LIN54: variants seen among roughly 807,000 people sequenced by gnomAD.
LIN54 encodes the protein lin-54 DREAM MuvB core complex component.
A neutral mutation model predicts 78.7 loss-of-function variants in LIN54; 9 were observed. The observed-to-expected ratio is 0.11, with a 90% CI of 0.07 to 0.20. LIN54 has a LOEUF of 0.20. LIN54 is among the 10% of genes least tolerant of loss of function. The pLI is 1.00. For missense variants in LIN54, 573 were observed against 889.9 expected, an observed-to-expected ratio of 0.64 and a Z score of 4.53; for synonymous variants, 269 against 318.4, an observed-to-expected ratio of 0.84 and a Z score of 1.65.
At chr4:82,983,577 T>C (rs1166371279) in intron 2 of LIN54, among the ~76,000 whole-genome samples, 3 of 152,190 alleles carry the variant, frequency 2.0e-5, no homozygotes, top group African/African-American at 4.8e-5. Context: ...TAGGATAAGA[T>C]AGAGGCAACT....
Position 82,935,020 on chromosome 4 carries a change from T to C in LIN54, c.1845+961A>G, listed in dbSNP as rs147808428. On this transcript the variant is annotated intron_variant, in intron 11 of 12. Transcript: ENST00000340417. ...AAGACGCCTGACCCATAAGTAAAAA[T>C]AACCAGCTCAGTGGAACAACAAAAC... 3.7e-4 allele frequency among the ~76,000 whole-genome samples: 56 copies of C among 152,108 alleles called. 1 individual carries two copies. Among genetic ancestry groups the C allele is most frequent in the African/African-American group, 1.3e-3 (55 of 41,506 alleles).
chr4:82,953,023 G>C (rs934478486), intron 4 of LIN54, among the ~76,000 whole-genome samples: 1 of 152,332 alleles, frequency 6.6e-6, no homozygotes, highest in East Asian at 1.9e-4. Flanking sequence ...GGCCCAGCCT[G>C]GACAGCAGTG....
chr4:82,943,311 A>G (rs918260968), intron 5 of LIN54, among the ~76,000 whole-genome samples: 1 of 152,090 alleles, frequency 6.6e-6, no homozygotes, highest in Non-Finnish European at 1.5e-5. Flanking sequence ...AAGGCTAACC[A>G]AGCACTTTCC....
chr4:83,001,535 G>C (rs923223341), intron 1 of LIN54, among the ~76,000 whole-genome samples: 2 of 151,664 alleles, frequency 1.3e-5, no homozygotes, highest in African/African-American at 2.4e-5. Flanking sequence ...GAGCAGGAGT[G>C]AAATCCTGTC....
At position 82,938,486 on chromosome 4, in the gene LIN54, C is replaced by T. The variant is rs1305496598; in HGVS notation, c.1459G>A (p.Val487Ile). 10 of 1,604,052 alleles carry T rather than the reference C, an allele frequency of 6.2e-6. No homozygotes were observed. Among genetic ancestry groups the T allele is most frequent in the Non-Finnish European group, 8.5e-6 (10 of 1,171,106 alleles). The stretch of plus-strand genomic sequence containing the variant: ...AAGGTAGAGTTGCTTGCTATTGATA[C>T]ATATGAAGACTGCTGTAGCTACATG... ...YVTQLQQSSY[V>I]SIASNSTFTG... Residue 487 changes from valine to isoleucine, a missense_variant, in exon 8 of 13, where the codon GTA becomes ATA. Physicochemically the swap from Val to Ile is conservative, Grantham distance 29. Coordinates refer to ENST00000340417, the MANE Select transcript of LIN54 (RefSeq NM_194282.4).
At chr4:82,973,053 C>T (rs1322373818) in intron 3 of LIN54, among the ~76,000 whole-genome samples, 5 of 148,608 alleles carry the variant, frequency 3.4e-5, no homozygotes, top group African/African-American at 1.2e-4. Flanking sequence ...AAAACAGGAA[C>T]AAAAGTTTCA....
chr4:82,953,115 T>G (rs1423021518), intron 4 of LIN54, among the ~76,000 whole-genome samples: 3 of 152,178 alleles, frequency 2.0e-5, no homozygotes, highest in Non-Finnish European at 4.4e-5. Context: ...CTCAGCCTCC[T>G]GTAGGTGGGC....
rs1411631495 is a variant in LIN54 at position 82,928,198 on chromosome 4, C to T, written c.2154G>A (p.Ala718=). 20 of 1,614,130 alleles carry T rather than the reference C, an allele frequency of 1.2e-5. No homozygotes were observed. The highest frequency in any genetic ancestry group is 4.0e-5 in the African/African-American group (3 of 74,952). The part of the protein sequence containing the change: ...ADKKGKSKAA[A]ERMILEEFGR... The stretch of plus-strand genomic sequence containing the variant: ...CGAATTCCTCAAGTATCATCCGTTC[C>T]GCTGCTGCCTTTGATTTTCCCTTCT... Residue 718 remains alanine (A), a synonymous_variant, in exon 13 of 13, where the codon GCG becomes GCA. Coordinates refer to ENST00000340417, the MANE Select transcript of LIN54 (RefSeq NM_194282.4).
chr4:82,987,344 C>A (rs6845357), intron 1 of LIN54, among the ~76,000 whole-genome samples: 54,065 of 152,212 alleles, frequency 0.36, 11,449 homozygotes, highest in African/African-American at 0.59. Flanking sequence ...CAAAATTATA[C>A]TCCCTTAAAT....
chr4:82,968,104 A>G lies in LIN54; in HGVS notation c.951+2223T>C, dbSNP rs113278864. 5.3e-3 allele frequency among the ~76,000 whole-genome samples: 808 copies of G among 151,372 alleles called. 7 individuals carry two copies. Among genetic ancestry groups the G allele is most frequent in the African/African-American group, 0.019 (764 of 41,202 alleles). ...GTTGCCCAGGCTGGAATGCAATGGC[A>G]GGATCTCAGCTCACCGCGACCTCTA... On this transcript the variant is annotated intron_variant, in intron 4 of 12. Transcript: ENST00000340417.
At chr4:83,005,284 T>C (rs1729248043) in intron 1 of LIN54, among the ~76,000 whole-genome samples, 2 of 146,462 alleles carry the variant, frequency 1.4e-5, no homozygotes, top group African/African-American at 5.2e-5. Flanking sequence ...AGGACAATAC[T>C]GGAGATTCAC....
At chr4:82,936,201 CT>C in intron 10 of LIN54, 77 bp downstream of exon 10, 1 of 1,557,908 alleles carries the variant, frequency 6.4e-7, no homozygotes, top group Non-Finnish European at 8.8e-7. Flanking sequence ...GATAACGTTT[CT>C]TTGCAAGACA....
chr4:82,937,977 T>G (rs935484219), intron 8 of LIN54, among the ~76,000 whole-genome samples: 1 of 151,852 alleles, frequency 6.6e-6, no homozygotes, highest in Non-Finnish European at 1.5e-5. Flanking sequence ...CAAAAAAATT[T>G]AAAAATTAGG....
rs556325836 is a variant in LIN54 at position 82,998,492 on chromosome 4, G to A, written c.-33+11992C>T. Among the ~76,000 whole-genome samples, 24 of 1,346 alleles carry A rather than the reference G, an allele frequency of 0.018. 1 individual carries two copies. The East Asian group carries it at 0.48, about 27-fold the overall frequency. 0.9% of individuals were successfully genotyped at this position (1,346 alleles called of 152,430 possible). A position where few individuals can be genotyped will look rare whatever the true frequency, so the allele number is the denominator to read the frequency against. On this transcript the variant is annotated intron_variant, in intron 1 of 12. Transcript: ENST00000340417. ...CAGGAGGTGGAGGTTGCAGTAAGCC[G>A]AGATAGCAGCTCCAACTCGGGCGAC...
chr4:83,000,827 C>CTTTTTTTCTTTTCTT (rs528409899), intron 1 of LIN54, among the ~76,000 whole-genome samples: 30 of 120,540 alleles, frequency 2.5e-4, no homozygotes, highest in Middle Eastern at 4.7e-3. Flanking sequence ...GCAATAAATT[C>CTTTTTTTCTTTTCTT]TTTTTTTTTT....
At chr4:82,974,210 A>C (rs939739820) in intron 3 of LIN54, among the ~76,000 whole-genome samples, 8 of 151,878 alleles carry the variant, frequency 5.3e-5, no homozygotes, top group Non-Finnish European at 1.0e-4. Flanking sequence ...ACTCCCTCTC[A>C]AAAAAACAAA....
In LIN54 at chr4:82,961,955, C is replaced by CA. The variant is rs11338764; in HGVS notation, c.951+8371dup. On this transcript the variant is annotated intron_variant, in intron 4 of 12. Transcript: ENST00000340417. ...TGGGCAACAGAGTGAGACTCTGTCT[C>CA]AAAAAAAAAAAAAAAGAAAAAACAC... Among the ~76,000 whole-genome samples the CA allele has an allele frequency of 8.5e-4, 105 of 123,124 alleles. 1 individual carries two copies. The highest frequency in any genetic ancestry group is 5.1e-3 in the South Asian group (21 of 4,110). 80.8% of individuals were successfully genotyped at this position (123,124 alleles called of 152,430 possible).
chr4:82,947,984 T>A (rs1401949235), intron 4 of LIN54, among the ~76,000 whole-genome samples: 1 of 152,060 alleles, frequency 6.6e-6, no homozygotes, highest in Non-Finnish European at 1.5e-5. Context: ...AGACATTACT[T>A]CCGCATAAAA....
chr4:82,959,142 C>T (rs551790113), intron 4 of LIN54, among the ~76,000 whole-genome samples: 1 of 152,046 alleles, frequency 6.6e-6, no homozygotes, highest in Admixed American at 6.6e-5. Flanking sequence ...GCTTGAAATT[C>T]CTTTATCATA....
Sources: allele counts gnomAD v4.1 joint callset (sites outside exome capture counted in the v4.1 genomes callset), GRCh38; gene constraint gnomAD v4.1.1; transcripts MANE v1.5; gene names NCBI Gene and HGNC (gene_info 2026-07-23, HGNC 2026-07-21).